The following SSBP2 variants were observed in gnomAD, a reference collection of about 807,000 sequenced individuals.
The protein encoded by SSBP2 is single stranded DNA binding protein 2, also known as single-stranded DNA-binding protein 2.
Under a neutral mutation model 61.8 loss-of-function variants are expected in SSBP2, and 17 were observed. The ratio of observed to expected loss-of-function variants is 0.28; its 90% CI spans 0.19 to 0.41. SSBP2 has a LOEUF of 0.41. Ranked by LOEUF, SSBP2 falls within the 10% of genes least tolerant of loss-of-function variation. The pLI is 1.00. For synonymous variants in SSBP2, 139 were observed against 141.3 expected (o/e 0.98, Z 0.12); for missense variants, 310 against 458.7 (o/e 0.68, Z 2.96).
In SSBP2 at chr5:81,413,507, A is replaced by G. The variant is rs1387715306; in HGVS notation, c.*6997T>C. ...TAGGTAACAATTTAACACATGTAGT[A>G]AGAAAACGTCTTAAATTCGGAAAAT... On this transcript the variant is annotated 3_prime_UTR_variant, in exon 17 of 17. Coordinates refer to ENST00000320672, the MANE Select transcript of SSBP2 (RefSeq NM_012446.5). 6.6e-6 allele frequency: 1 copy of G among 152,238 alleles called. No individual in the cohort carries two copies. The highest frequency in any genetic ancestry group is 2.4e-5 in the African/African-American group (1 of 41,478). The allele number at this position is 152,238 out of a possible 1,614,324, so 9.4% of individuals were successfully genotyped here. A position where few individuals can be genotyped will look rare whatever the true frequency, so the allele number is the denominator to read the frequency against.
intron 10 of SSBP2, among the ~76,000 whole-genome samples, chr5:81,456,301 C>T (rs1335455646): frequency 1.3e-5 from 2 of 151,106 alleles, no homozygotes; most frequent in South Asian, 2.1e-4. Flanking sequence ...ATGCCTATCC[C>T]CTCTTTTACT....
At chr5:81,606,556 C>T (rs1180992266) in intron 4 of SSBP2, among the ~76,000 whole-genome samples, 1 of 152,184 alleles carries the variant, frequency 6.6e-6, no homozygotes, top group South Asian at 2.1e-4. Context: ...TGGGAACTTA[C>T]AATGCCCCAC....
intron 4 of SSBP2, among the ~76,000 whole-genome samples, chr5:81,581,862 T>C (rs1449004135): frequency 6.6e-6 from 1 of 152,178 alleles, no homozygotes; most frequent in African/African-American, 2.4e-5. Context: ...GTTCAAACTT[T>C]ATTCTAACTA....
chr5:81,693,202 TAAAA>T (rs34403567), intron 1 of SSBP2, among the ~76,000 whole-genome samples: 2 of 116,146 alleles, frequency 1.7e-5, no homozygotes, highest in African/African-American at 3.3e-5. Context: ...GACTTTGTCT[TAAAA>T]AAAAAAAAAA....
chr5:81,657,058 T>C (rs1461942055), intron 1 of SSBP2, among the ~76,000 whole-genome samples: 2 of 152,214 alleles, frequency 1.3e-5, no homozygotes, highest in African/African-American at 4.8e-5. Context: ...GCAGGCCTTT[T>C]TTCCTAGAGA....
chr5:81,624,186 GATAAA>G (rs1746914378), intron 3 of SSBP2, among the ~76,000 whole-genome samples: 1 of 152,010 alleles, frequency 6.6e-6, no homozygotes, highest in Non-Finnish European at 1.5e-5. Context: ...AAATTTACAT[GATAAA>G]ATTAATTAAA....
At chr5:81,482,132 T>TG (rs1766037248) in intron 6 of SSBP2, among the ~76,000 whole-genome samples, 1 of 152,106 alleles carries the variant, frequency 6.6e-6, no homozygotes, top group Admixed American at 6.5e-5. Flanking sequence ...TTGGTAGAGA[T>TG]GGGGTTTCAC....
At chr5:81,692,104 T>G (rs1466646022) in intron 1 of SSBP2, among the ~76,000 whole-genome samples, 1 of 152,110 alleles carries the variant, frequency 6.6e-6, no homozygotes, top group African/African-American at 2.4e-5. Context: ...TTATATTTGG[T>G]AAAACCCAAA....
intron 12 of SSBP2, among the ~76,000 whole-genome samples, chr5:81,444,109 TTGAATA>T (rs1214944065): frequency 4.6e-5 from 7 of 152,218 alleles, no homozygotes; most frequent in African/African-American, 1.7e-4. Context: ...TGTATCTTAT[TTGAATA>T]TATCTATTTG....
intron 1 of SSBP2, among the ~76,000 whole-genome samples, chr5:81,736,064 T>C (rs547105743): frequency 1.3e-5 from 2 of 152,246 alleles, no homozygotes; most frequent in South Asian, 2.1e-4. Flanking sequence ...TTCATAATTC[T>C]TAGGCTGGCT....
intron 4 of SSBP2, among the ~76,000 whole-genome samples, chr5:81,533,995 T>G (rs187160439): frequency 6.6e-6 from 1 of 152,196 alleles, no homozygotes; most frequent in African/African-American, 2.4e-5. Context: ...ATTCTGTTCT[T>G]AACAAGGCCT....
At chr5:81,677,541 C>CAGTT (rs1752076729) in intron 1 of SSBP2, among the ~76,000 whole-genome samples, 1 of 152,136 alleles carries the variant, frequency 6.6e-6, no homozygotes, top group South Asian at 2.1e-4. Context: ...CACGGGGAAC[C>CAGTT]AGTTACTGGA....
At chr5:81,510,949 T>C (rs1768556788) in intron 5 of SSBP2, among the ~76,000 whole-genome samples, 1 of 152,070 alleles carries the variant, frequency 6.6e-6, no homozygotes. Context: ...TAGGATCAAG[T>C]TCAAACTCTA....
Position 81,440,624 on chromosome 5 carries a change from G to A in SSBP2, c.862C>T (p.Pro288Ser). Residue 288 changes from proline (P) to serine (S), a missense_variant, in exon 14 of 17, where the codon CCT (proline) becomes TCT (serine). Physicochemically the swap from Pro to Ser is moderately conservative, Grantham distance 74. Around this residue, in one of 4 missense-constraint regions of SSBP2, gnomAD observed 209 missense variants for 286.4 expected, o/e 0.73. Transcript: ENST00000320672. ...CCACCCATGGGACCATCTGACCCAGGACCCATTGGAAACTATTTTAAAAAT... is the reference window on the plus strand; with the variant it reads ...CCACCCATGGGACCATCTGACCCAGAACCCATTGGAAACTATTTTAAAAAT... The A allele has an allele frequency of 1.2e-6, 2 of 1,602,922 alleles. No homozygotes were observed. The highest frequency in any genetic ancestry group is 1.7e-6 in the Non-Finnish European group (2 of 1,176,694).
intron 4 of SSBP2, among the ~76,000 whole-genome samples, chr5:81,564,671 A>T (rs1331894169): frequency 6.6e-6 from 1 of 152,216 alleles, no homozygotes; most frequent in Non-Finnish European, 1.5e-5. Flanking sequence ...CTAAAAATTC[A>T]TGCAGGGTTA....
chr5:81,735,674 AG>A (rs1756552142), intron 1 of SSBP2, among the ~76,000 whole-genome samples: 1 of 152,230 alleles, frequency 6.6e-6, no homozygotes, highest in Admixed American at 6.5e-5. Context: ...TAGAACCCAC[AG>A]AGAGGACTGA....
intron 2 of SSBP2, among the ~76,000 whole-genome samples, chr5:81,643,774 C>T (rs1404942456): frequency 4.6e-5 from 7 of 151,296 alleles, no homozygotes; most frequent in South Asian, 2.1e-4. Flanking sequence ...GGCTAATTTT[C>T]GTATTTTTAG....
At chr5:81,623,426 C>T (rs1271184616) in intron 3 of SSBP2, among the ~76,000 whole-genome samples, 1 of 149,644 alleles carries the variant, frequency 6.7e-6, no homozygotes, top group African/African-American at 2.4e-5. Context: ...AGCTCTGCCT[C>T]CCGGGTTCAC....
intron 4 of SSBP2, among the ~76,000 whole-genome samples, chr5:81,597,314 C>G (rs1019851869): frequency 3.3e-5 from 5 of 152,124 alleles, no homozygotes; most frequent in Non-Finnish European, 7.4e-5. Context: ...AATGAGATAC[C>G]ATCTCACACC....
Sources: allele counts gnomAD v4.1 joint callset (sites outside exome capture counted in the v4.1 genomes callset), GRCh38; gene constraint gnomAD v4.1.1; regional missense constraint gnomAD v4.1.1; transcripts MANE v1.5; gene names NCBI Gene and HGNC (gene_info 2026-07-23, HGNC 2026-07-21).